Variants in BTBD8 observed in about 807,000 individuals in gnomAD.
BTBD8 encodes the protein BTB/POZ domain-containing protein 8.
Under a neutral mutation model 162.9 loss-of-function variants are expected in BTBD8, and 110 were observed. The ratio of observed to expected loss-of-function variants is 0.68; its 90% CI spans 0.58 to 0.79. BTBD8 has a LOEUF of 0.79. Among genes scored for constraint, BTBD8 ranks in the 30% least tolerant of loss-of-function variants. BTBD8 has a pLI of 0.00. For missense variants in BTBD8, 1,905 were observed against 2,085.4 expected (o/e 0.91, Z 1.68); for synonymous variants, 667 against 716.1 (o/e 0.93, Z 1.10).
intron 13 of BTBD8, among the ~76,000 whole-genome samples, chr1:92,172,072 CAA>C (rs1406264392): frequency 6.6e-6 from 1 of 151,974 alleles, no homozygotes; most frequent in Non-Finnish European, 1.5e-5. Flanking sequence ...GCCTGGGTGA[CAA>C]GAGCGAAACT....
chr1:92,124,392 C>T (rs1236705165), intron 4 of BTBD8, among the ~76,000 whole-genome samples: 1 of 152,228 alleles, frequency 6.6e-6, no homozygotes, highest in Non-Finnish European at 1.5e-5. Context: ...GTCCTCCACC[C>T]TTCATTGGAA....
rs574524530 is a variant in BTBD8 at position 92,104,172 on chromosome 1, A to G, written c.544+1503A>G. On this transcript the variant is annotated intron_variant, in intron 3 of 17. Coordinates refer to ENST00000636805, the MANE Select transcript of BTBD8 (RefSeq NM_001376131.1). ...ACATGAATTGTATTGGATCAAACTC[A>G]TTTTCTCAAAACAAGTGTTAGAGCA... Among the ~76,000 whole-genome samples, 7 of 152,290 alleles carry G rather than the reference A, an allele frequency of 4.6e-5. No homozygotes were observed. In the South Asian group the frequency reaches 8.3e-4, roughly 18 times the overall value.
chr1:92,116,093 C>T (rs1274624070), intron 4 of BTBD8, among the ~76,000 whole-genome samples: 2 of 152,144 alleles, frequency 1.3e-5, no homozygotes, highest in South Asian at 2.1e-4. Flanking sequence ...TTGATTTCTT[C>T]TTTACCCATG....
At chr1:92,151,102 C>T (rs1178743284) in intron 9 of BTBD8, among the ~76,000 whole-genome samples, 1 of 152,052 alleles carries the variant, frequency 6.6e-6, no homozygotes, top group Non-Finnish European at 1.5e-5. Context: ...CCTGTAATCC[C>T]AGCACTTTGG....
rs778127153 is a variant in BTBD8 at position 92,181,654 on chromosome 1, A to G, written c.3971A>G (p.Lys1324Arg). ...DSNLRIEVKMKKQSNNDLFQV... is the reference protein window; with the variant it reads ...DSNLRIEVKMRKQSNNDLFQV... ...AATTTAAGAATTGAAGTAAAAATGA[A>G]AAAGCAAAGTAATAATGATCTTTTC... The change falls in exon 17 of 18, where the codon AAA becomes AGA. Residue 1324 changes from lysine (K) to arginine (R), a missense_variant. Physicochemically the swap from Lys to Arg is conservative, Grantham distance 26. Around this residue, in one of 3 missense-constraint regions of BTBD8, gnomAD observed 517 missense variants for 606.6 expected, o/e 0.85. Coordinates refer to ENST00000636805, the MANE Select transcript of BTBD8 (RefSeq NM_001376131.1). 9 of 1,550,754 alleles carry G rather than the reference A, an allele frequency of 5.8e-6. No homozygotes were observed. The South Asian group carries it at 6.0e-5, about 10-fold the overall frequency.
chr1:92,180,479 G>A lies in BTBD8; in HGVS notation c.2796G>A (p.Leu932=). 6.4e-7 allele frequency: 1 copy of A among 1,550,530 alleles called. No homozygotes were observed. The highest frequency in any genetic ancestry group is 8.7e-7 in the Non-Finnish European group (1 of 1,146,686). ...ATCAGTCAAAGAAAGGTGAAACTTT[G>A]AATAATAAAGATTCAAAACAGAAAA... ...NLNQSKKGET[L]NNKDSKQKMP... The change falls in exon 17 of 18, where the codon TTG becomes TTA. Residue 932 remains leucine, a synonymous_variant. Transcript: ENST00000636805.
chr1:92,120,981 T>C (rs1649192392), intron 4 of BTBD8, among the ~76,000 whole-genome samples: 1 of 152,172 alleles, frequency 6.6e-6, no homozygotes, highest in Admixed American at 6.5e-5. Context: ...CAGGCTGGTC[T>C]CAAACTCCTG....
chr1:92,118,465 G>A (rs1439591733), intron 4 of BTBD8, among the ~76,000 whole-genome samples: 1 of 151,788 alleles, frequency 6.6e-6, no homozygotes, highest in Non-Finnish European at 1.5e-5. Context: ...AAAGGTACAT[G>A]TGATCAACAT....
chr1:92,168,847 A>AT lies in BTBD8; in HGVS notation c.1444-16dup. 6.7e-7 allele frequency: 1 copy of AT among 1,496,332 alleles called. No homozygotes were observed. The highest frequency in any genetic ancestry group is 9.0e-7 in the Non-Finnish European group (1 of 1,105,704). 92.7% of individuals were successfully genotyped at this position (1,496,332 alleles called of 1,614,324 possible). A position where few individuals can be genotyped will look rare whatever the true frequency, so the allele number is the denominator to read the frequency against. On this transcript the variant is annotated intron_variant, in intron 11 of 17. Transcript: ENST00000636805. ...ACAATGTGGCTCTCACCAGCTGCTG[A>AT]TTTGTTGCTTGAACACAGGGTTTTA...
intron 4 of BTBD8, among the ~76,000 whole-genome samples, chr1:92,121,882 G>A (rs1649222227): frequency 6.6e-6 from 1 of 151,226 alleles, no homozygotes; most frequent in Admixed American, 6.6e-5. Flanking sequence ...TGTTACCCAG[G>A]CAGGTCTTGA....
chr1:92,110,152 C>T (rs1221411901), intron 4 of BTBD8, among the ~76,000 whole-genome samples: 3 of 152,170 alleles, frequency 2.0e-5, no homozygotes, highest in South Asian at 2.1e-4. Context: ...GCCCAATCCC[C>T]GGAACACTTT....
intron 9 of BTBD8, among the ~76,000 whole-genome samples, 199 bp from the exon 10 acceptor site, chr1:92,166,759 A>T (rs969643111): frequency 3.3e-5 from 5 of 152,178 alleles, no homozygotes; most frequent in Non-Finnish European, 4.4e-5. Flanking sequence ...GTTTCTTCCT[A>T]GCTCAAACTT....
At chr1:92,129,493 A>G (rs886100671) in intron 4 of BTBD8, among the ~76,000 whole-genome samples, 194 bp from the exon 5 acceptor site, 2 of 150,434 alleles carry the variant, frequency 1.3e-5, no homozygotes, top group African/African-American at 5.0e-5. Flanking sequence ...CTCTTAAAAC[A>G]AAAAACAAAA....
Position 92,085,462 on chromosome 1 carries a change from C to T in BTBD8, c.150-3236C>T, listed in dbSNP as rs1017217191. Reference sequence around the variant, plus strand: ...CAAAAACTAGCCTGGCATGGTGGTGCGCACCTGTACTCCCAGTTACTCAGG... The same window carrying T: ...CAAAAACTAGCCTGGCATGGTGGTGTGCACCTGTACTCCCAGTTACTCAGG... On this transcript the variant is annotated intron_variant, in intron 1 of 17. Coordinates refer to ENST00000636805, the MANE Select transcript of BTBD8 (RefSeq NM_001376131.1). Among the ~76,000 whole-genome samples the T allele has an allele frequency of 2.6e-5, 4 of 152,104 alleles. 1 individual carries two copies. In the South Asian group the frequency reaches 6.2e-4, roughly 24 times the overall value.
chr1:92,112,371 C>T (rs1201572464), intron 4 of BTBD8, among the ~76,000 whole-genome samples: 1 of 152,030 alleles, frequency 6.6e-6, no homozygotes, highest in African/African-American at 2.4e-5. Context: ...CCATTGCATT[C>T]CAGCCTTGGG....
intron 3 of BTBD8, among the ~76,000 whole-genome samples, chr1:92,105,778 A>C (rs1334733353): frequency 6.6e-6 from 1 of 152,250 alleles, no homozygotes; most frequent in Non-Finnish European, 1.5e-5. Context: ...AGAGGTTCAG[A>C]GAACTCTGCT....
chr1:92,168,069 G>A, intron 11 of BTBD8, 84 bp downstream of exon 11: 1 of 1,272,200 alleles, frequency 7.9e-7, no homozygotes, highest in Non-Finnish European at 1.1e-6. Flanking sequence ...AATGTTGCAG[G>A]GTCATTGAAG....
chr1:92,163,578 A>AT lies in BTBD8; in HGVS notation c.1123-3367dup, dbSNP rs78123732. On this transcript the variant is annotated intron_variant, in intron 9 of 17. Coordinates refer to ENST00000636805, the MANE Select transcript of BTBD8 (RefSeq NM_001376131.1). ...TAGAATGTCCTTTATACATTTGAAA[A>AT]TTTTTTTTTTTTTAGCAATAGCAAG... is the stretch of plus-strand genomic sequence containing the variant. Among the ~76,000 whole-genome samples the AT allele has an allele frequency of 5.9e-3, 855 of 145,020 alleles. 4 individuals are homozygous for AT. The highest frequency in any genetic ancestry group is 0.014 in the Admixed American group (202 of 14,448).
chr1:92,174,626 G>T (rs149008542), intron 13 of BTBD8, among the ~76,000 whole-genome samples: 7 of 150,298 alleles, frequency 4.7e-5, no homozygotes, highest in East Asian at 3.9e-4. Context: ...ATAGAGAAAT[G>T]TTTTTTTTTT....
Sources: allele counts gnomAD v4.1 joint callset (sites outside exome capture counted in the v4.1 genomes callset), GRCh38; gene constraint gnomAD v4.1.1; regional missense constraint gnomAD v4.1.1; transcripts MANE v1.5; gene names NCBI Gene and HGNC (gene_info 2026-07-23, HGNC 2026-07-21).